SLC25A21: variants seen among roughly 807,000 people sequenced by gnomAD.
The protein encoded by SLC25A21 is solute carrier family 25 member 21, also known as mitochondrial 2-oxodicarboxylate carrier.
Under a neutral mutation model 43.8 loss-of-function variants are expected in SLC25A21, and 47 were observed. The observed-to-expected ratio is 1.07, with a 90% confidence interval of 0.85 to 1.37. SLC25A21 has a LOEUF of 1.37. Among genes scored for constraint, SLC25A21 ranks in the 40% most tolerant of loss-of-function variants. The pLI, the probability that SLC25A21 is intolerant of heterozygous loss-of-function variation, is 0.00. For synonymous variants in SLC25A21, 131 were observed against 121.3 expected, an observed-to-expected ratio of 1.08 and a Z score of -0.52; for missense variants, 352 against 350.2, an observed-to-expected ratio of 1.00 and a Z score of -0.04.
intron 1 of SLC25A21, among the ~76,000 whole-genome samples, chr14:36,933,449 A>G (rs1463340822): frequency 1.3e-5 from 2 of 152,020 alleles, no homozygotes; most frequent in African/African-American, 2.4e-5. Flanking sequence ...CAGCAGAGCC[A>G]TTTGTTAACC....
intron 3 of SLC25A21, among the ~76,000 whole-genome samples, chr14:36,810,870 T>C (rs972882873): frequency 2.9e-4 from 9 of 30,992 alleles, no homozygotes; most frequent in East Asian, 9.2e-4. Context: ...ATACAGCATA[T>C]GTAGAGAAAG....
intron 7 of SLC25A21, among the ~76,000 whole-genome samples, chr14:36,709,148 C>T (rs1254477325): frequency 6.6e-6 from 1 of 152,118 alleles, no homozygotes; most frequent in Non-Finnish European, 1.5e-5. Flanking sequence ...GCTGGGATTA[C>T]AGGCATGTGC....
At chr14:36,697,738 C>CTT (rs757711209) in intron 7 of SLC25A21, among the ~76,000 whole-genome samples, 1 of 111,662 alleles carries the variant, frequency 9.0e-6, no homozygotes, top group Admixed American at 9.4e-5. Flanking sequence ...GCAAGCCCTA[C>CTT]TTTTTTTTTT....
intron 3 of SLC25A21, among the ~76,000 whole-genome samples, chr14:36,799,176 T>C (rs1887779693): frequency 6.6e-6 from 1 of 152,128 alleles, no homozygotes; most frequent in South Asian, 2.1e-4. Context: ...TCAAAAGCCA[T>C]CATGCTCTGA....
chr14:37,056,868 A>G (rs1386260430), intron 1 of SLC25A21, among the ~76,000 whole-genome samples: 1 of 152,140 alleles, frequency 6.6e-6, no homozygotes, highest in East Asian at 1.9e-4. Flanking sequence ...CATGGTATTG[A>G]TTTTAACCCT....
intron 1 of SLC25A21, among the ~76,000 whole-genome samples, chr14:36,887,508 A>G (rs1277472341): frequency 6.6e-6 from 1 of 151,152 alleles, no homozygotes; most frequent in African/African-American, 2.4e-5. Context: ...TGTTGCAGTG[A>G]GCAGAGATCA....
intron 1 of SLC25A21, among the ~76,000 whole-genome samples, chr14:37,082,446 T>C (rs1470829321): frequency 6.6e-6 from 1 of 152,182 alleles, no homozygotes. Context: ...TTAGGCACTA[T>C]ACAAATCATT....
chr14:36,848,165 G>A (rs1889607649), intron 2 of SLC25A21, among the ~76,000 whole-genome samples: 1 of 152,146 alleles, frequency 6.6e-6, no homozygotes, highest in Admixed American at 6.5e-5. Flanking sequence ...GCCTCTAGAT[G>A]TTCTCTTTTT....
intron 1 of SLC25A21, among the ~76,000 whole-genome samples, chr14:36,927,285 A>G (rs1045411915): frequency 1.3e-5 from 2 of 152,248 alleles, no homozygotes; most frequent in Non-Finnish European, 2.9e-5. Flanking sequence ...GCTACTGACA[A>G]TGAAAACCAA....
intron 1 of SLC25A21, among the ~76,000 whole-genome samples, chr14:37,119,413 G>C (rs1963164834): frequency 6.6e-6 from 1 of 152,040 alleles, no homozygotes; most frequent in African/African-American, 2.4e-5. Context: ...TCCAGGCGTG[G>C]TGGTGTGGTG....
intron 3 of SLC25A21, among the ~76,000 whole-genome samples, chr14:36,782,250 C>T (rs535350637): frequency 6.2e-4 from 94 of 152,302 alleles, no homozygotes; most frequent in Non-Finnish European, 1.1e-3. Context: ...TTGGGCCTCC[C>T]ATACCTGGAT....
At position 37,118,068 on chromosome 14, in the gene SLC25A21, C is replaced by T. The variant is rs146381960; in HGVS notation, c.70+54213G>A. On this transcript the variant is annotated intron_variant, in intron 1 of 9. Coordinates refer to ENST00000331299, the MANE Select transcript of SLC25A21 (RefSeq NM_030631.4). ...CCACCTTTGCAAAACTAATGAAAGG[C>T]CACCAAGTTAGGAGGATGGTAGGAA... is the stretch of plus-strand genomic sequence containing the variant. Among the ~76,000 whole-genome samples, 735 of 152,106 alleles carry T rather than the reference C, an allele frequency of 4.8e-3. 9 individuals are homozygous for T. The highest frequency in any genetic ancestry group is 0.017 in the African/African-American group (715 of 41,468).
At chr14:36,914,186 T>C (rs769636927) in intron 1 of SLC25A21, among the ~76,000 whole-genome samples, 1 of 152,228 alleles carries the variant, frequency 6.6e-6, no homozygotes, top group African/African-American at 2.4e-5. Context: ...GTGTTTAATT[T>C]ACTTCCAGAT....
chr14:37,011,988 C>T (rs1594751622), intron 1 of SLC25A21, among the ~76,000 whole-genome samples: 1 of 152,084 alleles, frequency 6.6e-6, no homozygotes, highest in East Asian at 1.9e-4. Flanking sequence ...TTCTTCTTCT[C>T]AAGAGTTACA....
chr14:37,060,790 T>A (rs1019705610), intron 1 of SLC25A21, among the ~76,000 whole-genome samples: 15 of 152,182 alleles, frequency 9.9e-5, no homozygotes, highest in African/African-American at 3.6e-4. Flanking sequence ...CAGAAATTTT[T>A]AAAAAGAGTA....
intron 1 of SLC25A21, among the ~76,000 whole-genome samples, chr14:37,071,484 C>T (rs545033007): frequency 1.3e-5 from 2 of 152,278 alleles, no homozygotes; most frequent in South Asian, 4.1e-4. Context: ...CCCATTAAAA[C>T]CCCTATAAAC....
chr14:36,793,637 T>C (rs544664565), intron 3 of SLC25A21, among the ~76,000 whole-genome samples: 80 of 151,828 alleles, frequency 5.3e-4, no homozygotes, highest in Admixed American at 9.2e-4. Context: ...GAACCCAAAG[T>C]TAATGAATCA....
intron 1 of SLC25A21, among the ~76,000 whole-genome samples, chr14:37,073,011 C>A (rs895661152): frequency 6.6e-6 from 1 of 152,170 alleles, no homozygotes; most frequent in Non-Finnish European, 1.5e-5. Flanking sequence ...CTAGATTCAT[C>A]CAGTTGAAAG....
chr14:36,759,483 G>A (rs1437078277), intron 3 of SLC25A21, among the ~76,000 whole-genome samples: 1 of 152,162 alleles, frequency 6.6e-6, no homozygotes, highest in Non-Finnish European at 1.5e-5. Flanking sequence ...CTATCCAGCA[G>A]ACAAGCTCTA....
Sources: allele counts gnomAD v4.1 joint callset (sites outside exome capture counted in the v4.1 genomes callset), GRCh38; gene constraint gnomAD v4.1.1; transcripts MANE v1.5; gene names NCBI Gene and HGNC (gene_info 2026-07-23, HGNC 2026-07-21).